SIL1: variants seen among roughly 807,000 people sequenced by gnomAD.
The protein encoded by SIL1 is SIL1 nucleotide exchange factor, also known as nucleotide exchange factor SIL1.
In SIL1, 40 loss-of-function variants were observed where a neutral mutation model predicts 49.1. The ratio of observed to expected loss-of-function variants is 0.81; its 90% CI spans 0.63 to 1.06. The LOEUF (loss-of-function observed/expected upper bound fraction) is 1.06. SIL1 is among the 50% of genes least tolerant of loss of function. The pLI is 0.00. For missense variants in SIL1, 500 were observed against 572.6 expected, an observed-to-expected ratio of 0.87 and a Z score of 1.29; for synonymous variants, 253 against 250.8, an observed-to-expected ratio of 1.01 and a Z score of -0.08.
At chr5:139,117,905 G>A (rs1315246145) in intron 3 of SIL1, among the ~76,000 whole-genome samples, 3 of 152,066 alleles carry the variant, frequency 2.0e-5, no homozygotes, top group African/African-American at 7.2e-5. Flanking sequence ...GGTGTTCCAG[G>A]CAGCAGGCAG....
intron 7 of SIL1, among the ~76,000 whole-genome samples, chr5:139,003,579 G>A (rs548474697): frequency 6.6e-6 from 1 of 152,144 alleles, no homozygotes; most frequent in South Asian, 2.1e-4. Context: ...CTAGGAGTGG[G>A]TCAACAAAGC....
intron 3 of SIL1, among the ~76,000 whole-genome samples, chr5:139,090,149 GA>G (rs1161745554): frequency 6.6e-6 from 1 of 152,094 alleles, no homozygotes; most frequent in Non-Finnish European, 1.5e-5. Flanking sequence ...GACAACCACT[GA>G]TGCTTCTCAC....
chr5:139,192,602 C>A (rs1752194008), intron 1 of SIL1, among the ~76,000 whole-genome samples: 1 of 152,214 alleles, frequency 6.6e-6, no homozygotes, highest in Admixed American at 6.5e-5. Context: ...GCCAACACAG[C>A]AGCCCCAGCT....
intron 5 of SIL1, among the ~76,000 whole-genome samples, chr5:139,027,878 G>A (rs1391224159): frequency 1.3e-5 from 2 of 152,182 alleles, no homozygotes; most frequent in East Asian, 1.9e-4. Flanking sequence ...ATTACCTATG[G>A]GTTTTTCTCC....
chr5:139,129,345 C>A (rs1477534536), intron 1 of SIL1, among the ~76,000 whole-genome samples: 1 of 152,164 alleles, frequency 6.6e-6, no homozygotes, highest in Admixed American at 6.5e-5. Context: ...AAAGGACAGT[C>A]TCTTTAACAA....
At chr5:139,052,253 A>G (rs1769306969) in intron 3 of SIL1, among the ~76,000 whole-genome samples, 1 of 152,190 alleles carries the variant, frequency 6.6e-6, no homozygotes, top group African/African-American at 2.4e-5. Context: ...GATGCCAGGG[A>G]TATCGCACAC....
chr5:139,007,953 T>C (rs1768160916), intron 7 of SIL1, among the ~76,000 whole-genome samples: 1 of 151,970 alleles, frequency 6.6e-6, no homozygotes, highest in Non-Finnish European at 1.5e-5. Flanking sequence ...CAGGCTTTGG[T>C]ATCAGGATGA....
At chr5:139,166,425 G>T (rs1418816595) in intron 1 of SIL1, among the ~76,000 whole-genome samples, 2 of 152,184 alleles carry the variant, frequency 1.3e-5, no homozygotes, top group Non-Finnish European at 2.9e-5. Context: ...GCTTTAGAAG[G>T]TCAAGACAGG....
At chr5:139,021,026 A>C in intron 7 of SIL1, 145 bp downstream of exon 7, 1 of 1,188,928 alleles carries the variant, frequency 8.4e-7, no homozygotes, top group Non-Finnish European at 1.2e-6. Context: ...ATCTACTTGG[A>C]ATAAGGGCAG....
Position 138,993,922 on chromosome 5 carries a change from A to G in SIL1, c.767+27249T>C, listed in dbSNP as rs1438178025. ...AATATAATAAGTGTGCATTGTTTTA[A>G]GCCACTAAGTTTGTGAGAATTTGTT... On this transcript the variant is annotated intron_variant, in intron 7 of 9. Coordinates refer to ENST00000394817, the MANE Select transcript of SIL1 (RefSeq NM_022464.5). Among the ~76,000 whole-genome samples the G allele has an allele frequency of 2.6e-5, 4 of 152,344 alleles. No homozygotes were observed. The South Asian group carries it at 8.3e-4, about 32-fold the overall frequency.
intron 3 of SIL1, among the ~76,000 whole-genome samples, chr5:139,113,030 G>A (rs1283088656): frequency 1.3e-5 from 2 of 152,172 alleles, no homozygotes; most frequent in Non-Finnish European, 2.9e-5. Flanking sequence ...CATGTGCTGT[G>A]TCCACTCAGG....
At chr5:139,003,778 T>C (rs1768047118) in intron 7 of SIL1, among the ~76,000 whole-genome samples, 1 of 152,230 alleles carries the variant, frequency 6.6e-6, no homozygotes, top group African/African-American at 2.4e-5. Context: ...CCATGCTGGC[T>C]GGTGGCCTCC....
intron 7 of SIL1, among the ~76,000 whole-genome samples, chr5:138,955,575 G>A (rs1031994311): frequency 1.3e-5 from 2 of 152,248 alleles, no homozygotes; most frequent in African/African-American, 4.8e-5. Flanking sequence ...GGGGACTGAA[G>A]GAGCTGACCA....
intron 1 of SIL1, among the ~76,000 whole-genome samples, chr5:139,179,573 T>C (rs1213673947): frequency 6.6e-6 from 1 of 151,960 alleles, no homozygotes; most frequent in African/African-American, 2.4e-5. Context: ...GGTAGGCAGG[T>C]AGGGGGTGGC....
At chr5:139,090,135 C>A (rs1287313504) in intron 3 of SIL1, among the ~76,000 whole-genome samples, 1 of 152,132 alleles carries the variant, frequency 6.6e-6, no homozygotes, top group Non-Finnish European at 1.5e-5. Flanking sequence ...CACTCTCACC[C>A]AGTGACAACC....
rs1766666240 is a variant in SIL1, at chr5:138,947,646, C to G, written c.1030-173G>C. ...AAGTCTGTCTGTCTATTCATTCATTCATCCACCAACAGAAACACTTGTGTG... is the reference window on the plus strand; with the variant it reads ...AAGTCTGTCTGTCTATTCATTCATTGATCCACCAACAGAAACACTTGTGTG... On this transcript the variant is annotated intron_variant, in intron 9 of 9. Transcript: ENST00000394817. The surrounding 1 kb of genome is among the most constrained non-coding windows in gnomAD (Gnocchi z 4.1). 1.3e-5 allele frequency among the ~76,000 whole-genome samples: 2 copies of G among 152,246 alleles called. No individual in the cohort carries two copies. Among genetic ancestry groups the G allele is most frequent in the South Asian group, 4.1e-4 (2 of 4,826 alleles).
In SIL1 at chr5:139,005,034, A is replaced by C. The variant is rs1472341882; in HGVS notation, c.767+16137T>G. On this transcript the variant is annotated intron_variant, in intron 7 of 9. Coordinates refer to ENST00000394817, the MANE Select transcript of SIL1 (RefSeq NM_022464.5). ...AAAGGATACGAAATTTCAGATGGAC[A>C]GGAGGATTAAGTCCAAGATATCTAT... Among the ~76,000 whole-genome samples the C allele has an allele frequency of 2.0e-5, 3 of 152,194 alleles. No homozygotes were observed. In the East Asian group the frequency reaches 5.8e-4, roughly 29 times the overall value.
At chr5:139,038,188 A>T (rs1768960382) in intron 5 of SIL1, among the ~76,000 whole-genome samples, 2 of 152,250 alleles carry the variant, frequency 1.3e-5, no homozygotes, top group Admixed American at 1.3e-4. Flanking sequence ...GGGAGACACA[A>T]ACATTCAATC....
At chr5:138,964,027 A>C (rs566336418) in intron 7 of SIL1, among the ~76,000 whole-genome samples, 1 of 152,372 alleles carries the variant, frequency 6.6e-6, no homozygotes, top group East Asian at 1.9e-4. Flanking sequence ...ACCTTGCTCA[A>C]GGCCCTTTGA....
Sources: allele counts gnomAD v4.1 joint callset (sites outside exome capture counted in the v4.1 genomes callset), GRCh38; gene constraint gnomAD v4.1.1; non-coding constraint Gnocchi (gnomAD v3.1); transcripts MANE v1.5; gene names NCBI Gene and HGNC (gene_info 2026-07-23, HGNC 2026-07-21).